Variants in ALK observed in about 807,000 individuals in gnomAD.
ALK encodes the protein ALK receptor tyrosine kinase.
Under a neutral mutation model 163.1 loss-of-function variants are expected in ALK, and 74 were observed. The observed-to-expected ratio is 0.45, with a 90% CI of 0.38 to 0.55. ALK has a LOEUF of 0.55. Ranked by LOEUF, ALK falls within the 20% of genes least tolerant of loss-of-function variation. The pLI, the probability that ALK is intolerant of heterozygous loss-of-function variation, is 0.00. For missense variants in ALK, 2,063 were observed against 2,105.3 expected (o/e 0.98, Z 0.39); for synonymous variants, 960 against 843.2 (o/e 1.14, Z -2.40).
Position 29,222,399 on chromosome 2 carries a change from C to G in ALK, c.3460G>C (p.Glu1154Gln), listed in dbSNP as rs1005846150. The G allele has an allele frequency of 1.2e-6, 2 of 1,614,064 alleles. No individual in the cohort carries two copies. Among genetic ancestry groups the G allele is most frequent in the Non-Finnish European group, 8.5e-7 (1 of 1,180,008 alleles). The change falls in exon 22 of 29, where the codon GAA becomes CAA. Residue 1154 changes from glutamate (E) to glutamine (Q), a missense_variant. This residue lies in a region of ALK where 575 missense variants were observed against 626.6 expected (regional missense o/e 0.92). Coordinates refer to ENST00000389048, the MANE Select transcript of ALK (RefSeq NM_004304.5). ...PLQVAVKTLP[E>Q]VCSEQDELDF... Reference sequence around the variant, plus strand: ...AGTTCGTCCTGTTCAGAGCACACTTCAGGCAGCGTCTGGGCAGAGAAGGGG... The same window carrying G: ...AGTTCGTCCTGTTCAGAGCACACTTGAGGCAGCGTCTGGGCAGAGAAGGGG...
chr2:29,520,138 A>G (rs1214329675), intron 4 of ALK, among the ~76,000 whole-genome samples: 1 of 152,186 alleles, frequency 6.6e-6, no homozygotes, highest in Non-Finnish European at 1.5e-5. Flanking sequence ...CAAGCATGGG[A>G]ACCACCTCAT....
intron 1 of ALK, among the ~76,000 whole-genome samples, chr2:29,862,687 G>A (rs944116430): frequency 2.0e-5 from 3 of 152,044 alleles, no homozygotes; most frequent in African/African-American, 7.2e-5. Context: ...TAAAATGTCT[G>A]TACTACCCAA....
intron 1 of ALK, among the ~76,000 whole-genome samples, chr2:29,730,358 T>C (rs1427757395): frequency 6.6e-6 from 1 of 152,222 alleles, no homozygotes; most frequent in East Asian, 1.9e-4. Context: ...TATAGTGTTA[T>C]GTAAGTGCTT....
At chr2:29,312,244 C>A (rs917474935) in intron 8 of ALK, among the ~76,000 whole-genome samples, 4 of 152,152 alleles carry the variant, frequency 2.6e-5, no homozygotes, top group African/African-American at 9.7e-5. Context: ...GTAGCAGAAA[C>A]CACAGGTTCC....
intron 3 of ALK, among the ~76,000 whole-genome samples, chr2:29,692,444 G>A (rs748351585): frequency 1.6e-4 from 24 of 152,180 alleles, no homozygotes; most frequent in South Asian, 8.3e-4. Context: ...ATTTTTCCAC[G>A]GATGGTTTTG....
chr2:29,752,424 A>T (rs2541188), intron 1 of ALK, among the ~76,000 whole-genome samples: 95,174 of 144,270 alleles, frequency 0.66, 35,251 homozygotes, highest in Non-Finnish European at 0.82. Context: ...ATCTCGACTC[A>T]CTGCAAGCTC....
chr2:29,590,270 C>T lies in ALK; in HGVS notation c.953-58154G>A, dbSNP rs1040175867. ...TTATTATATTTTAATTGATTGAAAA[C>T]GGGTCACTAATTTGTATTGCATTAA... On this transcript the variant is annotated intron_variant, in intron 3 of 28. Transcript: ENST00000389048. 7.2e-5 allele frequency among the ~76,000 whole-genome samples: 11 copies of T among 152,264 alleles called. No individual in the cohort carries two copies. In the East Asian group the frequency reaches 7.7e-4, roughly 11 times the overall value.
At chr2:29,289,038 CTTAG>C (rs1665945845) in intron 9 of ALK, among the ~76,000 whole-genome samples, 1 of 151,552 alleles carries the variant, frequency 6.6e-6, no homozygotes, top group Non-Finnish European at 1.5e-5. Context: ...TCTTCTGCTT[CTTAG>C]TTGTGTGCCT....
intron 1 of ALK, among the ~76,000 whole-genome samples, chr2:29,783,689 G>T (rs1489745757): frequency 1.3e-5 from 2 of 152,182 alleles, no homozygotes; most frequent in Non-Finnish European, 2.9e-5. Flanking sequence ...TTATCAAAAA[G>T]CTTTGAAATA....
intron 3 of ALK, among the ~76,000 whole-genome samples, chr2:29,532,540 G>T (rs1186271537): frequency 1.3e-5 from 2 of 152,128 alleles, no homozygotes; most frequent in Non-Finnish European, 1.5e-5. Context: ...GGGGTGAGAG[G>T]GTTGGCTGAA....
intron 3 of ALK, among the ~76,000 whole-genome samples, chr2:29,614,363 C>T (rs1675781473): frequency 6.6e-6 from 1 of 152,300 alleles, no homozygotes; most frequent in East Asian, 1.9e-4. Context: ...AAAGTTTCAC[C>T]TATTTCCAGT....
At chr2:29,844,251 G>A (rs1385863711) in intron 1 of ALK, among the ~76,000 whole-genome samples, 3 of 152,188 alleles carry the variant, frequency 2.0e-5, no homozygotes, top group Non-Finnish European at 4.4e-5. Context: ...GTGGGTAAGA[G>A]CAAGAACTCT....
chr2:29,498,306 G>A (rs942670667), intron 4 of ALK, among the ~76,000 whole-genome samples: 1 of 152,078 alleles, frequency 6.6e-6, no homozygotes, highest in Non-Finnish European at 1.5e-5. Flanking sequence ...AGGCTACTTA[G>A]GCAAGGAAAT....
chr2:29,317,456 C>T (rs1313368589), intron 8 of ALK, among the ~76,000 whole-genome samples: 1 of 152,180 alleles, frequency 6.6e-6, no homozygotes, highest in Non-Finnish European at 1.5e-5. Context: ...CTTCCTCTTC[C>T]CCCAGTGTCC....
At chr2:29,778,138 G>A (rs1681230090) in intron 1 of ALK, among the ~76,000 whole-genome samples, 1 of 152,188 alleles carries the variant, frequency 6.6e-6, no homozygotes, top group Non-Finnish European at 1.5e-5. Context: ...AGGACAACAA[G>A]TCTAGGAGAA....
chr2:29,554,087 T>A (rs1021352281), intron 3 of ALK, among the ~76,000 whole-genome samples: 18 of 152,244 alleles, frequency 1.2e-4, no homozygotes. Flanking sequence ...ATTTGCCTTT[T>A]TATATTTATG....
intron 3 of ALK, among the ~76,000 whole-genome samples, chr2:29,620,454 T>C (rs1675998851): frequency 8.0e-6 from 1 of 125,778 alleles, no homozygotes; most frequent in Non-Finnish European, 1.6e-5. Context: ...TATGAGGTAC[T>C]GGGGGTGAGG....
chr2:29,567,333 C>G (rs1674220588), intron 3 of ALK, among the ~76,000 whole-genome samples: 1 of 152,206 alleles, frequency 6.6e-6, no homozygotes, highest in Non-Finnish European at 1.5e-5. Flanking sequence ...CCCAGAAATA[C>G]TGGCCTTTCC....
chr2:29,867,337 C>A (rs531621125), intron 1 of ALK, among the ~76,000 whole-genome samples: 5 of 152,106 alleles, frequency 3.3e-5, no homozygotes, highest in Non-Finnish European at 5.9e-5. Context: ...GCGAAGGTAG[C>A]GAGAGTAGAA....
Sources: gnomAD v4.1 joint callset for allele counts (sites outside exome capture counted in the v4.1 genomes callset) on GRCh38, gnomAD v4.1.1 for gene constraint, gnomAD v4.1.1 regional missense constraint, MANE v1.5 for transcripts, NCBI Gene and HGNC (gene_info 2026-07-23, HGNC 2026-07-21) for gene names.